The following RBFOX1 variants were observed in gnomAD, a reference collection of about 807,000 sequenced individuals.
The protein encoded by RBFOX1 is RNA binding fox-1 homolog 1.
A neutral mutation model predicts 57.7 loss-of-function variants in RBFOX1; 8 were observed. The ratio of observed to expected loss-of-function variants is 0.14; its 90% CI spans 0.08 to 0.25. The LOEUF is 0.25. Ranked by LOEUF, RBFOX1 falls within the 10% of genes least tolerant of loss-of-function variation. RBFOX1 has a pLI of 1.00. For missense variants in RBFOX1, 611 were observed against 548.5 expected (o/e 1.11, Z -1.14); for synonymous variants, 326 against 222.4 (o/e 1.47, Z -4.15).
intron 3 of RBFOX1, among the ~76,000 whole-genome samples, chr16:5,666,966 T>C (rs1021327730): frequency 1.3e-5 from 2 of 152,172 alleles, no homozygotes; most frequent in Admixed American, 6.5e-5. Flanking sequence ...AAGAAAAAAA[T>C]AGGGCAAGGC....
At chr16:6,353,939 A>G (rs1342948334) in intron 2 of RBFOX1, among the ~76,000 whole-genome samples, 1 of 152,112 alleles carries the variant, frequency 6.6e-6, no homozygotes, top group African/African-American at 2.4e-5. Flanking sequence ...CTAGAAGCAT[A>G]AACACATAAA....
intron 1 of RBFOX1, among the ~76,000 whole-genome samples, chr16:5,336,056 T>C (rs149624953): frequency 7.2e-5 from 11 of 152,244 alleles, no homozygotes; most frequent in Non-Finnish European, 1.5e-4. Flanking sequence ...CAAGGTACCA[T>C]AGCAAGGAAT....
At chr16:6,687,109 T>A (rs909764969) in intron 3 of RBFOX1, among the ~76,000 whole-genome samples, 2 of 152,188 alleles carry the variant, frequency 1.3e-5, no homozygotes, top group Non-Finnish European at 1.5e-5. Context: ...ATGAAGGGCT[T>A]TTGTTGTTAT....
At position 6,012,690 on chromosome 16, in the gene RBFOX1, G is replaced by A. The variant is rs563498136; in HGVS notation, c.351+145355G>A. Among the ~76,000 whole-genome samples, 12 of 152,282 alleles carry A rather than the reference G, an allele frequency of 7.9e-5. No individual in the cohort carries two copies. The East Asian group carries it at 1.4e-3, about 17-fold the overall frequency. ...AGCAGTATGGTAGTTTTGGAAGCCC[G>A]TTGATTTAGCAGCTTCACAATTTCC... On this transcript the variant is annotated intron_variant, in intron 4 of 19. Transcript: ENST00000641259.
chr16:7,145,056 G>A (rs577778866), intron 4 of RBFOX1, among the ~76,000 whole-genome samples: 2 of 152,122 alleles, frequency 1.3e-5, no homozygotes, highest in Non-Finnish European at 2.9e-5. Flanking sequence ...GGATGTGACT[G>A]GTCTGCTCTT....
At chr16:6,554,033 TATGA>T (rs34641433) in intron 2 of RBFOX1, among the ~76,000 whole-genome samples, 57 of 151,922 alleles carry the variant, frequency 3.8e-4, no homozygotes, top group African/African-American at 1.3e-3. Context: ...GTTTTGAAAG[TATGA>T]ATGAATGAAT....
intron 4 of RBFOX1, among the ~76,000 whole-genome samples, chr16:7,496,549 A>AATC (rs773158994): frequency 8.5e-5 from 13 of 152,070 alleles, no homozygotes; most frequent in South Asian, 2.1e-4. Context: ...ACATGAGTTT[A>AATC]ATCATCATCA....
intron 4 of RBFOX1, among the ~76,000 whole-genome samples, chr16:7,218,642 G>A (rs898100488): frequency 6.8e-6 from 1 of 147,914 alleles, no homozygotes; most frequent in Non-Finnish European, 1.5e-5. Flanking sequence ...GTGTGTGTGT[G>A]TGTGTGTGTG....
intron 1 of RBFOX1, among the ~76,000 whole-genome samples, chr16:5,332,361 G>C (rs945908700): frequency 6.6e-6 from 1 of 151,956 alleles, no homozygotes; most frequent in African/African-American, 2.4e-5. Context: ...TCTGCTTCCT[G>C]GGTTCCAGCA....
At chr16:6,420,049 C>T (rs1364187261) in intron 2 of RBFOX1, among the ~76,000 whole-genome samples, 1 of 152,132 alleles carries the variant, frequency 6.6e-6, no homozygotes, top group East Asian at 1.9e-4. Flanking sequence ...TTGTTTGTGA[C>T]AATCACTTAA....
At chr16:6,674,251 C>G (rs79071494) in intron 3 of RBFOX1, among the ~76,000 whole-genome samples, 4,224 of 152,182 alleles carry the variant, frequency 0.028, 203 homozygotes, top group African/African-American at 0.096. Context: ...CAGATGTTAT[C>G]AAGTTAAAAT....
chr16:7,427,171 G>C (rs76465169), intron 4 of RBFOX1, among the ~76,000 whole-genome samples: 1 of 152,132 alleles, frequency 6.6e-6, no homozygotes, highest in African/African-American at 2.4e-5. Flanking sequence ...TGTAAATGAC[G>C]AGTTAATGGG....
chr16:7,107,564 A>T (rs1377764257), intron 4 of RBFOX1, among the ~76,000 whole-genome samples: 1 of 152,060 alleles, frequency 6.6e-6, no homozygotes, highest in Non-Finnish European at 1.5e-5. Context: ...CTTGACTGTA[A>T]TCAAGGTAGT....
chr16:5,477,893 CAG>C (rs1358452389), intron 2 of RBFOX1, among the ~76,000 whole-genome samples: 1 of 152,202 alleles, frequency 6.6e-6, no homozygotes, highest in Admixed American at 6.5e-5. Context: ...TTAGCTGAGA[CAG>C]AAAGGGCGTG....
intron 10 of RBFOX1, among the ~76,000 whole-genome samples, chr16:7,615,682 T>A (rs934270651): frequency 1.3e-5 from 2 of 152,146 alleles, no homozygotes; most frequent in African/African-American, 4.8e-5. Context: ...ATTTGGCAAT[T>A]TCTGGAAACA....
intron 3 of RBFOX1, among the ~76,000 whole-genome samples, chr16:6,696,341 T>A (rs67625550): frequency 0.061 from 9,236 of 151,832 alleles, 328 homozygotes; most frequent in African/African-American, 0.093. Context: ...GAAAAAAAAA[T>A]TTAGACTAGC....
chr16:5,399,326 C>T (rs1206151246), intron 1 of RBFOX1, among the ~76,000 whole-genome samples: 5 of 151,742 alleles, frequency 3.3e-5, no homozygotes, highest in Non-Finnish European at 5.9e-5. Context: ...GTTTTTGAGC[C>T]AAAAGTAGAT....
At chr16:5,827,691 T>A (rs1333020427) in intron 3 of RBFOX1, among the ~76,000 whole-genome samples, 1 of 152,208 alleles carries the variant, frequency 6.6e-6, no homozygotes, top group African/African-American at 2.4e-5. Flanking sequence ...TGGCAACCCC[T>A]GCTTTGAGTT....
At chr16:7,632,374 C>T (rs1374973922) in intron 11 of RBFOX1, among the ~76,000 whole-genome samples, 3 of 152,124 alleles carry the variant, frequency 2.0e-5, no homozygotes, top group African/African-American at 7.2e-5. Flanking sequence ...AATGTGTGTG[C>T]ATGTATCTCC....
Sources: gnomAD v4.1 joint callset for allele counts (sites outside exome capture counted in the v4.1 genomes callset) on GRCh38, gnomAD v4.1.1 for gene constraint, MANE v1.5 for transcripts, NCBI Gene and HGNC (gene_info 2026-07-23, HGNC 2026-07-21) for gene names.